Variants in ATP8B4 observed in about 807,000 individuals in gnomAD.
The protein encoded by ATP8B4 is probable phospholipid-transporting ATPase IM.
Under a neutral mutation model 145.6 loss-of-function variants are expected in ATP8B4, and 133 were observed. The observed-to-expected ratio is 0.91, with a 90% confidence interval of 0.79 to 1.05. The LOEUF (loss-of-function observed/expected upper bound fraction) is 1.05, where lower values mean the gene tolerates loss of function less well. Among genes scored for constraint, ATP8B4 ranks in the 50% least tolerant of loss-of-function variants. The pLI is 0.00. For synonymous variants in ATP8B4, 507 were observed against 492.9 expected (o/e 1.03, Z -0.38); for missense variants, 1,458 against 1,425.2 (o/e 1.02, Z -0.37).
At chr15:50,176,426 C>T (rs1420503640) in intron 1 of ATP8B4, among the ~76,000 whole-genome samples, 1 of 151,998 alleles carries the variant, frequency 6.6e-6, no homozygotes, top group Non-Finnish European at 1.5e-5. Flanking sequence ...GTATACTGCT[C>T]AGGTCATGGG....
intron 9 of ATP8B4, among the ~76,000 whole-genome samples, chr15:49,996,428 T>C (rs888896211): frequency 3.9e-5 from 6 of 152,062 alleles, no homozygotes; most frequent in African/African-American, 1.2e-4. Flanking sequence ...AAGGGTATTA[T>C]GGGATTGAAG....
intron 13 of ATP8B4, among the ~76,000 whole-genome samples, chr15:49,972,309 C>A (rs1382343783): frequency 6.6e-6 from 1 of 152,040 alleles, no homozygotes. Context: ...CTGAAACGAA[C>A]TTCAGAGAGT....
chr15:50,085,954 CATATATATTTATATATG>C (rs1567331257), intron 2 of ATP8B4, among the ~76,000 whole-genome samples: 756 of 29,706 alleles, frequency 0.025, 126 homozygotes, highest in African/African-American at 0.12. Flanking sequence ...TGATATATAT[CATATATATTTATATATG>C]ATATATCAAA....
At chr15:50,108,366 T>C (rs1456193144) in intron 1 of ATP8B4, among the ~76,000 whole-genome samples, 2 of 152,098 alleles carry the variant, frequency 1.3e-5, no homozygotes, top group African/African-American at 4.8e-5. Context: ...GGGAATGGCA[T>C]CATGTCACAC....
At chr15:50,165,970 A>AC (rs2044591482) in intron 1 of ATP8B4, among the ~76,000 whole-genome samples, 3 of 146,988 alleles carry the variant, frequency 2.0e-5, no homozygotes, top group Non-Finnish European at 4.5e-5. Context: ...AATCCCAGAG[A>AC]ACACACACAC....
chr15:49,906,192 T>C (rs1891386677), intron 20 of ATP8B4, among the ~76,000 whole-genome samples: 1 of 152,234 alleles, frequency 6.6e-6, no homozygotes, highest in Admixed American at 6.5e-5. Context: ...ATCTCTATTA[T>C]CATAAATCAA....
chr15:49,872,653 G>A (rs2033836318), intron 25 of ATP8B4, among the ~76,000 whole-genome samples: 1 of 152,030 alleles, frequency 6.6e-6, no homozygotes, highest in African/African-American at 2.4e-5. Context: ...AACCCAAACT[G>A]AAAAACATTC....
chr15:49,980,008 GC>G (rs770976964), intron 11 of ATP8B4, among the ~76,000 whole-genome samples, 195 bp from the exon 12 acceptor site: 1 of 152,106 alleles, frequency 6.6e-6, no homozygotes, highest in Non-Finnish European at 1.5e-5. Flanking sequence ...CACTGAATTT[GC>G]CCATTGACTC....
chr15:50,027,415 C>T (rs2050095610), intron 6 of ATP8B4, among the ~76,000 whole-genome samples: 2 of 50,594 alleles, frequency 4.0e-5, no homozygotes, highest in African/African-American at 3.4e-4. Context: ...GGATGGAAAA[C>T]ATGAATCCCT....
At chr15:49,924,840 T>C (rs2040571111) in intron 16 of ATP8B4, among the ~76,000 whole-genome samples, 1 of 152,216 alleles carries the variant, frequency 6.6e-6, no homozygotes, top group Non-Finnish European at 1.5e-5. Flanking sequence ...GAAAAACATA[T>C]GCAATTTATC....
At position 50,056,701 on chromosome 15, in the gene ATP8B4, GTA is replaced by G. The variant is rs538243168; in HGVS notation, c.88-9239_88-9238del. 6.2e-3 allele frequency among the ~76,000 whole-genome samples: 893 copies of G among 144,096 alleles called. 5 individuals carry two copies. The highest frequency in any genetic ancestry group is 6.9e-3 in the African/African-American group (270 of 38,868). The allele number at this position is 144,096 out of a possible 152,430, so 94.5% of individuals were successfully genotyped here. A position where few individuals can be genotyped will look rare whatever the true frequency, so the allele number is the denominator to read the frequency against. The stretch of plus-strand genomic sequence containing the variant: ...ACACAATATATGTATATGTATATGT[GTA>G]TATATATATATATACACACACACAC... On this transcript the variant is annotated intron_variant, in intron 3 of 27. Coordinates refer to ENST00000284509, the MANE Select transcript of ATP8B4 (RefSeq NM_024837.4).
intron 1 of ATP8B4, among the ~76,000 whole-genome samples, chr15:50,138,054 C>T (rs2044146875): frequency 6.6e-6 from 1 of 152,186 alleles, no homozygotes; most frequent in Admixed American, 6.5e-5. Context: ...GATTCTATCA[C>T]ATTTTCATCC....
intron 2 of ATP8B4, among the ~76,000 whole-genome samples, chr15:50,087,268 TTA>T (rs1366520972): frequency 7.4e-5 from 10 of 135,822 alleles, no homozygotes; most frequent in Non-Finnish European, 1.2e-4. Flanking sequence ...TCTATATGTA[TTA>T]TATATAATAG....
intron 3 of ATP8B4, among the ~76,000 whole-genome samples, chr15:50,050,577 C>T (rs186754740): frequency 2.4e-4 from 36 of 151,348 alleles, no homozygotes; most frequent in African/African-American, 8.3e-4. Context: ...ATTTCAAACA[C>T]ATGCCTTTTA....
intron 20 of ATP8B4, among the ~76,000 whole-genome samples, chr15:49,913,510 T>C (rs557378089): frequency 5.2e-4 from 79 of 152,104 alleles, no homozygotes; most frequent in Non-Finnish European, 1.1e-3. Flanking sequence ...ATAACTGAAA[T>C]TCCTAGTCAG....
chr15:50,167,810 C>T (rs2140858599), intron 1 of ATP8B4, among the ~76,000 whole-genome samples: 1 of 152,280 alleles, frequency 6.6e-6, no homozygotes, highest in East Asian at 1.9e-4. Context: ...GTTTGTCCCA[C>T]ATGCTTCAAT....
intron 3 of ATP8B4, among the ~76,000 whole-genome samples, chr15:50,059,731 G>C (rs1263313257): frequency 6.6e-6 from 1 of 152,174 alleles, no homozygotes; most frequent in Admixed American, 6.5e-5. Flanking sequence ...CAGTTATTCA[G>C]GAGGAAGAAG....
intron 1 of ATP8B4, among the ~76,000 whole-genome samples, chr15:50,130,545 G>C (rs2057338678): frequency 6.6e-6 from 1 of 152,014 alleles, no homozygotes; most frequent in East Asian, 1.9e-4. Context: ...GGGAGGCTGA[G>C]GCGAGCGGAT....
chr15:49,959,547 T>C (rs531415922), intron 14 of ATP8B4, among the ~76,000 whole-genome samples: 12 of 152,194 alleles, frequency 7.9e-5, no homozygotes, highest in African/African-American at 2.6e-4. Flanking sequence ...TTCCAGATAG[T>C]ATGGTTATAT....
Sources: gnomAD v4.1 joint callset for allele counts (sites outside exome capture counted in the v4.1 genomes callset) on GRCh38, gnomAD v4.1.1 for gene constraint, MANE v1.5 for transcripts, NCBI Gene and HGNC (gene_info 2026-07-23, HGNC 2026-07-21) for gene names.